LRRN2: variants seen among roughly 807,000 people sequenced by gnomAD.
LRRN2 encodes leucine rich repeat neuronal 2, also known as leucine-rich repeat neuronal protein 2.
Under a neutral mutation model 35.7 loss-of-function variants are expected in LRRN2, and 10 were observed. The ratio of observed to expected loss-of-function variants is 0.28; its 90% confidence interval spans 0.17 to 0.47. The LOEUF is 0.47. LRRN2 is among the 20% of genes least tolerant of loss of function. LRRN2 has a pLI of 0.99. For synonymous variants in LRRN2, 391 were observed against 409.6 expected (o/e 0.95, Z 0.55); for missense variants, 731 against 940.3 (o/e 0.78, Z 2.91).
chr1:204,668,208 T>G (rs1668629994), intron 1 of LRRN2, among the ~76,000 whole-genome samples: 1 of 152,172 alleles, frequency 6.6e-6, no homozygotes, highest in Non-Finnish European at 1.5e-5. Context: ...GTGGTGGTGT[T>G]TGTTTGTGGT....
intron 1 of LRRN2, among the ~76,000 whole-genome samples, chr1:204,646,983 C>T (rs1340824768): frequency 6.6e-6 from 1 of 152,136 alleles, no homozygotes; most frequent in Non-Finnish European, 1.5e-5. Context: ...GATTCCAAGC[C>T]AGGGTTCCGT....
intron 1 of LRRN2, among the ~76,000 whole-genome samples, chr1:204,652,039 A>G (rs1179091683): frequency 1.3e-5 from 2 of 152,274 alleles, no homozygotes; most frequent in Admixed American, 1.3e-4. Context: ...CATTCTGCCA[A>G]GCAGCACACA....
chr1:204,676,971 AAAT>A (rs1274889328), intron 1 of LRRN2, among the ~76,000 whole-genome samples: 1 of 152,180 alleles, frequency 6.6e-6, no homozygotes, highest in Admixed American at 6.5e-5. Flanking sequence ...AAATGGGGGA[AAAT>A]AATATCTACT....
chr1:204,650,132 AG>A (rs1442390354), intron 1 of LRRN2, among the ~76,000 whole-genome samples: 3 of 152,162 alleles, frequency 2.0e-5, no homozygotes. Flanking sequence ...CTCTGATGCA[AG>A]GGGGGCAGCT....
At chr1:204,657,458 C>T (rs968941672) in intron 1 of LRRN2, among the ~76,000 whole-genome samples, 2 of 151,874 alleles carry the variant, frequency 1.3e-5, no homozygotes, top group African/African-American at 2.4e-5. Flanking sequence ...TGAAAACATG[C>T]TAAGTGGAAG....
intron 1 of LRRN2, among the ~76,000 whole-genome samples, chr1:204,661,454 C>T (rs753154031): frequency 6.6e-6 from 1 of 152,112 alleles, no homozygotes; most frequent in Non-Finnish European, 1.5e-5. Context: ...AAAGTCACAC[C>T]AATGGTTTTC....
intron 1 of LRRN2, among the ~76,000 whole-genome samples, chr1:204,655,932 C>T (rs1267130111): frequency 5.9e-5 from 9 of 152,070 alleles, no homozygotes; most frequent in Non-Finnish European, 7.4e-5. Flanking sequence ...TTTTTTGAGA[C>T]GGAGTCTCGC....
At chr1:204,665,021 C>T (rs1031992631) in intron 1 of LRRN2, among the ~76,000 whole-genome samples, 1 of 152,074 alleles carries the variant, frequency 6.6e-6, no homozygotes, top group Admixed American at 6.6e-5. Flanking sequence ...GACACGTCAC[C>T]CTCTCTACCC....
At chr1:204,625,495 A>T (rs1667275008) in intron 1 of LRRN2, among the ~76,000 whole-genome samples, 1 of 145,876 alleles carries the variant, frequency 6.9e-6, no homozygotes, top group Non-Finnish European at 1.6e-5. Context: ...GTACGGGAGA[A>T]TACATAAATG....
At chr1:204,636,348 G>C (rs1558409685) in intron 1 of LRRN2, among the ~76,000 whole-genome samples, 1 of 152,224 alleles carries the variant, frequency 6.6e-6, no homozygotes, top group Non-Finnish European at 1.5e-5. Flanking sequence ...AAAGAAGGAT[G>C]ATCATGGACT....
At chr1:204,652,222 TC>T (rs1475902579) in intron 1 of LRRN2, among the ~76,000 whole-genome samples, 9 of 142,422 alleles carry the variant, frequency 6.3e-5, no homozygotes, top group Admixed American at 3.4e-4. Flanking sequence ...ATGGGACCCT[TC>T]CCCCTCCTCT....
intron 1 of LRRN2, among the ~76,000 whole-genome samples, chr1:204,661,423 A>G (rs1668469472): frequency 6.6e-6 from 1 of 152,134 alleles, no homozygotes; most frequent in Non-Finnish European, 1.5e-5. Context: ...TATGAGTTCT[A>G]CCTCAATAAA....
At chr1:204,637,645 CGTGT>C (rs67761829) in intron 1 of LRRN2, among the ~76,000 whole-genome samples, 13,933 of 129,860 alleles carry the variant, frequency 0.11, 785 homozygotes, top group African/African-American at 0.15. Context: ...CAGCACGTGA[CGTGT>C]GTGTGTGTGT....
intron 1 of LRRN2, among the ~76,000 whole-genome samples, chr1:204,660,552 GACACACAC>G (rs72072762): frequency 7.0e-6 from 1 of 143,198 alleles, no homozygotes; most frequent in Admixed American, 7.0e-5. Context: ...GCCTTACACA[GACACACAC>G]ACACACACAC....
In LRRN2 at chr1:204,617,924, C is replaced by T; in HGVS notation, c.2069G>A (p.Trp690Ter). The part of the protein sequence containing the change: ...RVVSAPLVLP[W>*]NPGRKLPRSS... ...TCTGGGCAGCTTCCTCCCTGGATTCCAGGGCAGGACGAGGGGAGCAGACAC... is the reference window on the plus strand; with the variant it reads ...TCTGGGCAGCTTCCTCCCTGGATTCTAGGGCAGGACGAGGGGAGCAGACAC... The change falls in exon 2 of 2, where the codon TGG (tryptophan) becomes TAG (stop). Residue 690 changes from tryptophan to a stop codon, truncating the protein, a stop_gained. Coordinates refer to ENST00000367177, the MANE Select transcript of LRRN2 (RefSeq NM_201630.2). LOFTEE classifies it high-confidence loss of function. 1 of 1,614,054 alleles carries T rather than the reference C, an allele frequency of 6.2e-7. No individual in the cohort carries two copies. Among genetic ancestry groups the T allele is most frequent in the Non-Finnish European group, 8.5e-7 (1 of 1,180,038 alleles).
chr1:204,656,145 A>G (rs6673842), intron 1 of LRRN2, among the ~76,000 whole-genome samples: 61,855 of 151,538 alleles, frequency 0.41, 13,842 homozygotes, highest in Admixed American at 0.51. Flanking sequence ...TCCTGACCTC[A>G]TGATCTGCCC....
In LRRN2 at chr1:204,619,177, C is replaced by G; in HGVS notation, c.816G>C (p.Pro272=). ...GLKFLDLNKN[P]LQRVGPGDFA... is the part of the protein sequence containing the mutation. Reference sequence around the variant, plus strand: ...AGTCCCCCGGCCCTACCCGCTGGAGCGGGTTCTTGTTGAGGTCTAGGAACT... The same window carrying G: ...AGTCCCCCGGCCCTACCCGCTGGAGGGGGTTCTTGTTGAGGTCTAGGAACT... The change falls in exon 2 of 2, where the codon CCG becomes CCC. Residue 272 remains proline (P), a synonymous_variant. Transcript: ENST00000367177. 6.2e-7 allele frequency: 1 copy of G among 1,614,046 alleles called. No individual in the cohort carries two copies. Among genetic ancestry groups the G allele is most frequent in the East Asian group, 2.2e-5 (1 of 44,878 alleles).
At chr1:204,681,279 A>G (rs535260434) in intron 1 of LRRN2, among the ~76,000 whole-genome samples, 10 of 152,036 alleles carry the variant, frequency 6.6e-5, no homozygotes, top group Non-Finnish European at 1.5e-4. Flanking sequence ...GCTTATCCCT[A>G]TAGTCCAACA....
chr1:204,638,654 C>A (rs186634525), intron 1 of LRRN2, among the ~76,000 whole-genome samples: 1 of 152,172 alleles, frequency 6.6e-6, no homozygotes, highest in East Asian at 1.9e-4. Flanking sequence ...TCGTGATCCA[C>A]CCACCTCGGC....
Sources: allele counts gnomAD v4.1 joint callset (sites outside exome capture counted in the v4.1 genomes callset), GRCh38; gene constraint gnomAD v4.1.1; transcripts MANE v1.5; gene names NCBI Gene and HGNC (gene_info 2026-07-23, HGNC 2026-07-21).